CDH4: variants seen among roughly 807,000 people sequenced by gnomAD.
The protein encoded by CDH4 is cadherin 4, also known as cadherin-4.
Under a neutral mutation model 86.0 loss-of-function variants are expected in CDH4, and 33 were observed. That is an observed-to-expected ratio of 0.38 (90% CI 0.29 to 0.51). The LOEUF (loss-of-function observed/expected upper bound fraction) is 0.51. Ranked by LOEUF, CDH4 falls within the 20% of genes least tolerant of loss-of-function variation. The pLI, the probability that CDH4 is intolerant of heterozygous loss-of-function variation, is 0.86. For missense variants in CDH4, 1,114 were observed against 1,307.4 expected (o/e 0.85, Z 2.28); for synonymous variants, 555 against 549.4 (o/e 1.01, Z -0.14).
Position 61,936,973 on chromosome 20 carries a change from A to T in CDH4, c.*30A>T, listed in dbSNP as rs763375892. 1 of 1,531,104 alleles carries T rather than the reference A, an allele frequency of 6.5e-7. No homozygotes were observed. The highest frequency in any genetic ancestry group is 8.8e-7 in the Non-Finnish European group (1 of 1,134,630). 94.8% of individuals were successfully genotyped at this position (1,531,104 alleles called of 1,614,324 possible). A position where few individuals can be genotyped will look rare whatever the true frequency, so the allele number is the denominator to read the frequency against. On this transcript the variant is annotated 3_prime_UTR_variant, in exon 16 of 16. Transcript: ENST00000614565. ...CCTCGCATCTTCGGACCGAAGTGAG[A>T]GCCGTGCTCGGACGCCGGAGGAGCA... is the stretch of plus-strand genomic sequence containing the variant.
At chr20:61,897,577 C>T (rs1412169158) in intron 8 of CDH4, among the ~76,000 whole-genome samples, 3 of 152,246 alleles carry the variant, frequency 2.0e-5, no homozygotes, top group Non-Finnish European at 4.4e-5. Flanking sequence ...CTGACCAGCA[C>T]TAAGCAGCCC....
At chr20:61,549,633 G>T (rs917368081) in intron 2 of CDH4, among the ~76,000 whole-genome samples, 2 of 152,184 alleles carry the variant, frequency 1.3e-5, no homozygotes, top group African/African-American at 2.4e-5. Context: ...TCCATTTCGG[G>T]AAAGGACGTC....
At chr20:61,556,464 T>C (rs2086178273) in intron 2 of CDH4, among the ~76,000 whole-genome samples, 1 of 152,170 alleles carries the variant, frequency 6.6e-6, no homozygotes, top group Admixed American at 6.5e-5. Flanking sequence ...CACAGACTTT[T>C]GTTAAACAGC....
At chr20:61,445,948 G>A (rs2085347768) in intron 2 of CDH4, among the ~76,000 whole-genome samples, 1 of 152,234 alleles carries the variant, frequency 6.6e-6, no homozygotes, top group Non-Finnish European at 1.5e-5. Context: ...TGGCCCTGGA[G>A]CCTCCCATGC....
At chr20:61,371,104 G>T (rs186999503) in intron 2 of CDH4, among the ~76,000 whole-genome samples, 1 of 152,210 alleles carries the variant, frequency 6.6e-6, no homozygotes. Context: ...TGTTTGGAGC[G>T]AGCAGGCTGG....
intron 2 of CDH4, among the ~76,000 whole-genome samples, chr20:61,641,187 G>A (rs1177341204): frequency 6.6e-6 from 1 of 152,212 alleles, no homozygotes; most frequent in Non-Finnish European, 1.5e-5. Context: ...CACAGGGTCT[G>A]GGGAGAGGAA....
At chr20:61,389,627 C>T (rs979146054) in intron 2 of CDH4, among the ~76,000 whole-genome samples, 4 of 152,118 alleles carry the variant, frequency 2.6e-5, no homozygotes, top group Admixed American at 6.5e-5. Context: ...TTCTATAGAT[C>T]GACGCTTCTC....
chr20:61,255,065 C>T (rs1335798090), intron 2 of CDH4, 128 bp downstream of exon 2: 14 of 662,288 alleles, frequency 2.1e-5, no homozygotes, highest in Middle Eastern at 3.6e-4. Context: ...GTGAAGTCCA[C>T]GAGGTGCAAA....
intron 7 of CDH4, among the ~76,000 whole-genome samples, chr20:61,880,444 G>T (rs1984227289): frequency 6.6e-6 from 1 of 152,188 alleles, no homozygotes; most frequent in Non-Finnish European, 1.5e-5. Context: ...CCGGATTTGT[G>T]CCCCTGAAGT....
chr20:61,772,572 T>G (rs899729608), intron 3 of CDH4, among the ~76,000 whole-genome samples: 12 of 152,254 alleles, frequency 7.9e-5, no homozygotes, highest in African/African-American at 2.9e-4. Context: ...GTCAAATTGT[T>G]GTAAATCATA....
intron 2 of CDH4, among the ~76,000 whole-genome samples, chr20:61,445,683 G>A (rs1293360455): frequency 1.3e-5 from 2 of 152,196 alleles, no homozygotes; most frequent in Non-Finnish European, 2.9e-5. Flanking sequence ...GAATACACCG[G>A]GTTTGTGTTA....
At chr20:61,896,345 G>GC (rs1443225310) in intron 8 of CDH4, among the ~76,000 whole-genome samples, 2 of 152,246 alleles carry the variant, frequency 1.3e-5, no homozygotes, top group Non-Finnish European at 2.9e-5. Flanking sequence ...TAAGGCCAGA[G>GC]CCCCTCGCCA....
chr20:61,867,319 GCAGGTGGATCACCTAAGCT>G (rs1262159055), intron 6 of CDH4, among the ~76,000 whole-genome samples: 1 of 152,190 alleles, frequency 6.6e-6, no homozygotes, highest in Non-Finnish European at 1.5e-5. Flanking sequence ...GGAGGCCAAG[GCAGGTGGATCACCTAAGCT>G]CAGGAGTTCA....
rs1175253596 is a variant in CDH4 at position 61,754,851 on chromosome 20, C to G, written c.396+11062C>G. 1 of 148,830 alleles carries G rather than the reference C, an allele frequency of 6.7e-6. No homozygotes were observed. Among genetic ancestry groups the G allele is most frequent in the Non-Finnish European group, 1.5e-5 (1 of 66,956 alleles). 9.2% of individuals were successfully genotyped at this position (148,830 alleles called of 1,614,324 possible). A position where few individuals can be genotyped will look rare whatever the true frequency, so the allele number is the denominator to read the frequency against. On this transcript the variant is annotated intron_variant, in intron 3 of 15. Coordinates refer to ENST00000614565, the MANE Select transcript of CDH4 (RefSeq NM_001794.5). This position sits in a 1 kb window ranked among gnomAD's most constrained non-coding sequence, Gnocchi z 4.7. ...ACACCACACACATGCCCCACACACA[C>G]CACACAGTGCACGCCACACACACCA...
chr20:61,318,736 T>C (rs749228543), intron 2 of CDH4, among the ~76,000 whole-genome samples: 1 of 152,256 alleles, frequency 6.6e-6, no homozygotes, highest in African/African-American at 2.4e-5. Context: ...GGCTTTATGT[T>C]ATTAATTACT....
intron 4 of CDH4, among the ~76,000 whole-genome samples, chr20:61,776,847 G>C (rs1484213565): frequency 1.3e-5 from 2 of 152,228 alleles, no homozygotes; most frequent in African/African-American, 2.4e-5. Flanking sequence ...CCAGTCACAT[G>C]ACCACGTCTA....
At chr20:61,853,912 C>G (rs1329223076) in intron 6 of CDH4, among the ~76,000 whole-genome samples, 1 of 152,170 alleles carries the variant, frequency 6.6e-6, no homozygotes, top group Non-Finnish European at 1.5e-5. Context: ...GAGACCTCTG[C>G]TTGGGCCACC....
At chr20:61,458,614 G>T (rs372065705) in intron 2 of CDH4, among the ~76,000 whole-genome samples, 7 of 152,002 alleles carry the variant, frequency 4.6e-5, no homozygotes, top group African/African-American at 1.7e-4. Flanking sequence ...TAATGGTAAT[G>T]ACTGGTGACA....
Position 61,565,195 on chromosome 20 carries a change from G to A in CDH4, c.170-178368G>A, listed in dbSNP as rs1568688318. 5.4e-4 allele frequency among the ~76,000 whole-genome samples: 42 copies of A among 77,870 alleles called. 10 individuals carry two copies. Among genetic ancestry groups the A allele is most frequent in the African/African-American group, 1.9e-3 (40 of 20,900 alleles). The allele number at this position is 77,870 out of a possible 152,430, so 51.1% of individuals were successfully genotyped here. On this transcript the variant is annotated intron_variant, in intron 2 of 15. Coordinates refer to ENST00000614565, the MANE Select transcript of CDH4 (RefSeq NM_001794.5). The stretch of plus-strand genomic sequence containing the variant: ...GGGTGGTGGTGGTGGTGGTCCTCTT[G>A]GTGGTGGTCGCGGTGCTCTCGGTGG...
Sources: allele counts gnomAD v4.1 joint callset (sites outside exome capture counted in the v4.1 genomes callset), GRCh38; gene constraint gnomAD v4.1.1; non-coding constraint Gnocchi (gnomAD v3.1); transcripts MANE v1.5; gene names NCBI Gene and HGNC (gene_info 2026-07-23, HGNC 2026-07-21).